The following DBNL variants were observed in gnomAD, a reference collection of about 807,000 sequenced individuals.
DBNL encodes the protein drebrin like.
Under a neutral mutation model 62.2 loss-of-function variants are expected in DBNL, and 35 were observed. The ratio of observed to expected loss-of-function variants is 0.56; its 90% confidence interval spans 0.43 to 0.75. DBNL has a LOEUF of 0.75. DBNL is among the 30% of genes least tolerant of loss of function. The pLI is 0.00. For synonymous variants in DBNL, 197 were observed against 218.0 expected, an observed-to-expected ratio of 0.90 and a Z score of 0.85; for missense variants, 495 against 578.4, an observed-to-expected ratio of 0.86 and a Z score of 1.48.
chr7:44,065,608 C>G lies in DBNL; in HGVS notation c.*4692C>G. Reference sequence around the variant, plus strand: ...CTCCCAGCTTTATAATAGTGTCTTCCCAGCCCCCACCCACCCCAGCCAACT... The same window carrying G: ...CTCCCAGCTTTATAATAGTGTCTTCGCAGCCCCCACCCACCCCAGCCAACT... On this transcript the variant is annotated 3_prime_UTR_variant, in exon 13 of 13. Transcript: ENST00000448521. 6.5e-6 allele frequency: 9 copies of G among 1,380,612 alleles called. No individual in the cohort carries two copies. The South Asian group carries it at 1.0e-4, about 16-fold the overall frequency. 85.5% of individuals were successfully genotyped at this position (1,380,612 alleles called of 1,614,324 possible).
At position 44,064,718 on chromosome 7, in the gene DBNL, G is replaced by T; in HGVS notation, c.*3802G>T. 1.1e-6 allele frequency: 1 copy of T among 922,856 alleles called. No homozygotes were observed. Among genetic ancestry groups the T allele is most frequent in the Non-Finnish European group, 1.7e-6 (1 of 594,170 alleles). The allele number at this position is 922,856 out of a possible 1,614,324, so 57.2% of individuals were successfully genotyped here. On this transcript the variant is annotated 3_prime_UTR_variant, in exon 13 of 13. Coordinates refer to ENST00000448521, the MANE Select transcript of DBNL (RefSeq NM_001014436.3). ...CAGCCCTCCTTTTTCAGTGAATGAT[G>T]TGGAGCCCCACGCCTAGAAAGCCTG...
rs947299773 is a variant in DBNL, at chr7:44,056,782, G to A, written c.353G>A (p.Arg118Gln). Residue 118 changes from arginine (R) to glutamine (Q), a missense_variant, in exon 5 of 13, where the codon CGG (arginine) becomes CAG (glutamine). By Grantham distance (43) the Arg-to-Gln change is conservative. Coordinates refer to ENST00000448521, the MANE Select transcript of DBNL (RefSeq NM_001014436.3). ...LKGAHVTINARAEEDVEPECI... is the reference protein window; with the variant it reads ...LKGAHVTINAQAEEDVEPECI... ...GGGGCCCATGTGACCATCAACGCAC[G>A]GGCCGAGGAGGATGTGGAGCCTGAG... 3.1e-6 allele frequency: 5 copies of A among 1,613,980 alleles called. No individual in the cohort carries two copies. The highest frequency in any genetic ancestry group is 4.2e-6 in the Non-Finnish European group (5 of 1,180,026).
At chr7:44,046,024 C>T (rs10271421) in intron 1 of DBNL, among the ~76,000 whole-genome samples, 10,653 of 152,268 alleles carry the variant, frequency 0.07, 499 homozygotes, top group Non-Finnish European at 0.099. Context: ...GATTTACCCA[C>T]GTCAGTCAGT....
Position 44,058,232 on chromosome 7 carries a change from G to T in DBNL, c.656G>T (p.Arg219Leu), listed in dbSNP as rs367760382. 2.9e-5 allele frequency: 46 copies of T among 1,575,928 alleles called. No homozygotes were observed. The highest frequency in any genetic ancestry group is 2.1e-4 in the African/African-American group (16 of 74,440). The change falls in exon 7 of 13, where the codon CGC becomes CTC. Residue 219 changes from arginine to leucine, a missense_variant. By Grantham distance (102) the Arg-to-Leu change is moderately radical. Transcript: ENST00000448521. ...GAGCGTGAGCTGCGTGAGGCTGCAC[G>T]CCGGGAGCAGCGCTATCAGGAGCAG... ...RRERELREAA[R>L]REQRYQEQGG...
At chr7:44,049,620 G>A (rs79290301) in intron 1 of DBNL, among the ~76,000 whole-genome samples, 6,213 of 152,262 alleles carry the variant, frequency 0.041, 397 homozygotes, top group African/African-American at 0.14. Context: ...ATTTCATGTC[G>A]TGTCATTCCT....
Position 44,059,498 on chromosome 7 carries a change from A to AG in DBNL, c.932-40dup. On this transcript the variant is annotated intron_variant, in intron 10 of 12. Transcript: ENST00000448521. The surrounding 1 kb of genome is among the most constrained non-coding windows in gnomAD (Gnocchi z 4.1). ...GGACCCTGGGGGACAGCAGTGGAGA[A>AG]GGGGGATGTGTGGGAGTGAGAACCT... 1 of 1,613,440 alleles carries AG rather than the reference A, an allele frequency of 6.2e-7. No individual in the cohort carries two copies. The highest frequency in any genetic ancestry group is 1.1e-5 in the South Asian group (1 of 91,054).
intron 4 of DBNL, among the ~76,000 whole-genome samples, chr7:44,055,164 GT>G (rs779002790): frequency 1.3e-5 from 2 of 152,116 alleles, no homozygotes; most frequent in African/African-American, 2.4e-5. Flanking sequence ...CTAAAATACT[GT>G]TTTAAAAACC....
rs755412881 is a variant in DBNL, at chr7:44,058,451, G to A, written c.724G>A (p.Glu242Lys). 10 of 1,614,150 alleles carry A rather than the reference G, an allele frequency of 6.2e-6. No homozygotes were observed. The highest frequency in any genetic ancestry group is 8.5e-6 in the Non-Finnish European group (10 of 1,180,058). The change falls in exon 8 of 13, where the codon GAA becomes AAA. Residue 242 changes from glutamate to lysine, a missense_variant. Coordinates refer to ENST00000448521, the MANE Select transcript of DBNL (RefSeq NM_001014436.3). ...SPQRTWEQQQ[E>K]VVSRNRNEQE... ...CAGCAGGACGTGGGAGCAGCAGCAAGAAGTGGTTTCAAGGAACCGAAATGA... is the reference window on the plus strand; with the variant it reads ...CAGCAGGACGTGGGAGCAGCAGCAAAAAGTGGTTTCAAGGAACCGAAATGA...
At position 44,056,965 on chromosome 7, in the gene DBNL, G is replaced by T. The variant is rs1004679461; in HGVS notation, c.474+62G>T. On this transcript the variant is annotated intron_variant, in intron 5 of 12. Coordinates refer to ENST00000448521, the MANE Select transcript of DBNL (RefSeq NM_001014436.3). Reference sequence around the variant, plus strand: ...CTCAGGGCCTGAGGCAGGGGGCCAGGAATATGCACTTCCCAGCACCCGGGC... The same window carrying T: ...CTCAGGGCCTGAGGCAGGGGGCCAGTAATATGCACTTCCCAGCACCCGGGC... 10 of 1,603,838 alleles carry T rather than the reference G, an allele frequency of 6.2e-6. No individual in the cohort carries two copies. In the South Asian group the frequency reaches 9.9e-5, roughly 16 times the overall value.
rs932709758 is a variant in DBNL, at chr7:44,062,610, C to T, written c.*1694C>T. ...ACTAGGTGTGGGTACTAGGCTCCTG[C>T]CCCTGGTGACACACGTATGGAGTGG... is the stretch of plus-strand genomic sequence containing the variant. On this transcript the variant is annotated 3_prime_UTR_variant, in exon 13 of 13. Coordinates refer to ENST00000448521, the MANE Select transcript of DBNL (RefSeq NM_001014436.3). 6 of 737,474 alleles carry T rather than the reference C, an allele frequency of 8.1e-6. No individual in the cohort carries two copies. Among genetic ancestry groups the T allele is most frequent in the African/African-American group, 1.7e-5 (1 of 57,566 alleles). The allele number at this position is 737,474 out of a possible 1,614,324, so 45.7% of individuals were successfully genotyped here.
At position 44,065,195 on chromosome 7, in the gene DBNL, AC is replaced by A; in HGVS notation, c.*4281del. The A allele has an allele frequency of 6.2e-7, 1 of 1,613,988 alleles. No individual in the cohort carries two copies. ...GTCGAAGGAGCGCCTCCAGATCTTC[AC>A]CTGCTCCTCCCCGTGCTTGGCGGCC... On this transcript the variant is annotated 3_prime_UTR_variant, in exon 13 of 13. Coordinates refer to ENST00000448521, the MANE Select transcript of DBNL (RefSeq NM_001014436.3).
intron 1 of DBNL, among the ~76,000 whole-genome samples, chr7:44,045,551 C>T (rs1473998679): frequency 6.6e-5 from 10 of 152,178 alleles, no homozygotes; most frequent in African/African-American, 2.2e-4. Flanking sequence ...TTGAGAAATC[C>T]CAGTTCTGAG....
At chr7:44,049,847 G>C (rs1200716951) in intron 1 of DBNL, 1 of 180,056 alleles carries the variant, frequency 5.6e-6, no homozygotes, top group African/African-American at 2.4e-5. Flanking sequence ...GATATGTTTT[G>C]TCTCTTCAAA....
chr7:44,060,582 G>A lies in DBNL; in HGVS notation c.1154-195G>A, dbSNP rs75811055. ...CTCTGTAGGAGGGTATGCCCTGGGG[G>A]TGTGGTCACTGGAGCCGCATTGGGA... On this transcript the variant is annotated intron_variant, in intron 12 of 12. Transcript: ENST00000448521. This position sits in a 1 kb window ranked among gnomAD's most constrained non-coding sequence, Gnocchi z 6.3. Among the ~76,000 whole-genome samples the A allele has an allele frequency of 6.6e-6, 1 of 152,136 alleles. No homozygotes were observed. The highest frequency in any genetic ancestry group is 2.1e-4 in the South Asian group (1 of 4,832).
chr7:44,055,691 T>G (rs1047811972), intron 4 of DBNL, among the ~76,000 whole-genome samples: 1 of 152,256 alleles, frequency 6.6e-6, no homozygotes, highest in Non-Finnish European at 1.5e-5. Flanking sequence ...TGTATGTAGT[T>G]AGCCATGCGT....
rs1322714817 is a variant in DBNL, at chr7:44,064,065, C to T, written c.*3149C>T. ...AGGAGCAGGAGGTCTGGGGCACACC[C>T]TTCTAGCCTTTCCAGGACTCAACAA... On this transcript the variant is annotated 3_prime_UTR_variant, in exon 13 of 13. Coordinates refer to ENST00000448521, the MANE Select transcript of DBNL (RefSeq NM_001014436.3). 1 of 152,536 alleles carries T rather than the reference C, an allele frequency of 6.6e-6. No homozygotes were observed. The highest frequency in any genetic ancestry group is 2.4e-5 in the African/African-American group (1 of 41,472). The allele number at this position is 152,536 out of a possible 1,614,324, so 9.4% of individuals were successfully genotyped here. A position where few individuals can be genotyped will look rare whatever the true frequency, so the allele number is the denominator to read the frequency against.
chr7:44,062,702 T>C lies in DBNL; in HGVS notation c.*1786T>C, dbSNP rs1465913269. ...AGCTGATGGCGGTGTGAGCCTGGCA[T>C]GCACGGCTGCGCTGGACTCCAGGCT... On this transcript the variant is annotated 3_prime_UTR_variant, in exon 13 of 13. Transcript: ENST00000448521. 1.3e-6 allele frequency: 2 copies of C among 1,569,794 alleles called. No individual in the cohort carries two copies. Among genetic ancestry groups the C allele is most frequent in the African/African-American group, 2.7e-5 (2 of 73,968 alleles).
chr7:44,064,812 G>C lies in DBNL; in HGVS notation c.*3896G>C. On this transcript the variant is annotated 3_prime_UTR_variant, in exon 13 of 13. Transcript: ENST00000448521. ...GCTGCTGCCCACCCACCCTGCCCAGGCTCCTGAAGGTGGCCTCACCTTCCA... is the reference window on the plus strand; with the variant it reads ...GCTGCTGCCCACCCACCCTGCCCAGCCTCCTGAAGGTGGCCTCACCTTCCA... The C allele has an allele frequency of 7.9e-7, 1 of 1,272,682 alleles. No homozygotes were observed. The allele number at this position is 1,272,682 out of a possible 1,614,324, so 78.8% of individuals were successfully genotyped here.
At chr7:44,055,446 A>G (rs1460261906) in intron 4 of DBNL, among the ~76,000 whole-genome samples, 2 of 152,352 alleles carry the variant, frequency 1.3e-5, no homozygotes, top group East Asian at 3.9e-4. Context: ...AGCCTGGGCA[A>G]CAGAGTAAGA....
Sources: gnomAD v4.1 joint callset for allele counts (sites outside exome capture counted in the v4.1 genomes callset) on GRCh38, gnomAD v4.1.1 for gene constraint, Gnocchi (gnomAD v3.1) non-coding constraint, MANE v1.5 for transcripts, NCBI Gene and HGNC (gene_info 2026-07-23, HGNC 2026-07-21) for gene names.